The following SH2D4B variants were observed in gnomAD, a reference collection of about 807,000 sequenced individuals.
The protein encoded by SH2D4B is SH2 domain containing 4B, also known as SH2 domain-containing protein 4B.
SH2D4B carries 45 observed loss-of-function variants against 61.5 expected under a neutral mutation model. The observed-to-expected ratio is 0.73, with a 90% CI of 0.58 to 0.94. SH2D4B has a LOEUF of 0.94. Ranked by LOEUF, SH2D4B falls within the 40% of genes least tolerant of loss-of-function variation. The pLI, the probability that SH2D4B is intolerant of heterozygous loss-of-function variation, is 0.00. For synonymous variants in SH2D4B, 224 were observed against 220.4 expected (o/e 1.02, Z -0.14); for missense variants, 572 against 574.2 (o/e 1.00, Z 0.04).
chr10:80,545,355 C>T (rs1841660147), intron 1 of SH2D4B, among the ~76,000 whole-genome samples: 1 of 151,818 alleles, frequency 6.6e-6, no homozygotes, highest in Admixed American at 6.6e-5. Flanking sequence ...TCCTCTTCTT[C>T]CTTTCCTCCT....
At chr10:80,605,658 A>G (rs1035064857) in intron 5 of SH2D4B, among the ~76,000 whole-genome samples, 2 of 152,108 alleles carry the variant, frequency 1.3e-5, no homozygotes, top group Non-Finnish European at 2.9e-5. Context: ...AGCTGGGATT[A>G]TGGGTGCGTG....
At chr10:80,626,010 T>A (rs961529811) in intron 6 of SH2D4B, among the ~76,000 whole-genome samples, 38 of 152,356 alleles carry the variant, frequency 2.5e-4, no homozygotes, top group African/African-American at 7.7e-4. Context: ...TGCTAAGATA[T>A]TGTCTAGTAT....
At chr10:80,587,071 A>G (rs12266971) in intron 3 of SH2D4B, among the ~76,000 whole-genome samples, 12,474 of 145,018 alleles carry the variant, frequency 0.086, 563 homozygotes, top group African/African-American at 0.12. Context: ...ACTCACCTCG[A>G]GGGTCCGCGG....
At chr10:80,568,500 G>A (rs1439999928) in intron 1 of SH2D4B, among the ~76,000 whole-genome samples, 1 of 152,164 alleles carries the variant, frequency 6.6e-6, no homozygotes, top group Non-Finnish European at 1.5e-5. Context: ...AGGAGCTGCG[G>A]GGCTTGGTCA....
chr10:80,596,097 G>T (rs1261417387), intron 4 of SH2D4B, among the ~76,000 whole-genome samples: 1 of 152,164 alleles, frequency 6.6e-6, no homozygotes, highest in Admixed American at 6.5e-5. Context: ...CTTCCTTTCA[G>T]AGTTAAAATT....
At chr10:80,597,598 G>A (rs112234136) in intron 4 of SH2D4B, among the ~76,000 whole-genome samples, 17,512 of 152,204 alleles carry the variant, frequency 0.12, 1,189 homozygotes, top group East Asian at 0.25. Context: ...CCCGGGAGGT[G>A]GAGGTTGCAG....
chr10:80,617,460 CAG>C (rs1472925976), intron 6 of SH2D4B, among the ~76,000 whole-genome samples: 1 of 152,178 alleles, frequency 6.6e-6, no homozygotes, highest in Non-Finnish European at 1.5e-5. Context: ...GTTACCTAGA[CAG>C]GGGCAAGAGA....
chr10:80,634,577 G>A, intron 7 of SH2D4B, 72 bp downstream of exon 7: 1 of 1,517,774 alleles, frequency 6.6e-7, no homozygotes, highest in Non-Finnish European at 8.8e-7. Context: ...GAGAGCTAGA[G>A]CAAGAGAAGC....
intron 3 of SH2D4B, among the ~76,000 whole-genome samples, chr10:80,580,672 G>T (rs969220983): frequency 2.6e-5 from 4 of 152,150 alleles, no homozygotes; most frequent in Non-Finnish European, 5.9e-5. Context: ...CATTGCTTAG[G>T]GGGCCTAGGA....
chr10:80,540,406 G>T (rs1362253525), intron 1 of SH2D4B, among the ~76,000 whole-genome samples: 2 of 152,166 alleles, frequency 1.3e-5, no homozygotes, highest in African/African-American at 2.4e-5. Flanking sequence ...GTGATGAAGG[G>T]TGGCAACAAC....
chr10:80,623,885 A>G (rs1332446191), intron 6 of SH2D4B, among the ~76,000 whole-genome samples: 1 of 152,196 alleles, frequency 6.6e-6, no homozygotes, highest in Non-Finnish European at 1.5e-5. Context: ...AAGTCATGGA[A>G]ACCCAGATTG....
chr10:80,610,813 C>T (rs114269478), intron 6 of SH2D4B, among the ~76,000 whole-genome samples: 5,028 of 152,206 alleles, frequency 0.033, 251 homozygotes, highest in African/African-American at 0.11. Context: ...ATGTTACGTG[C>T]CCTTTGGGAG....
chr10:80,603,540 C>T (rs896373287), intron 4 of SH2D4B, 39 bp from the exon 5 acceptor site: 2 of 1,484,144 alleles, frequency 1.3e-6, no homozygotes, highest in Admixed American at 4.3e-5. Flanking sequence ...ACCGCCTGGG[C>T]TGCGGATCTG....
chr10:80,561,143 T>C (rs1841897860), intron 1 of SH2D4B, among the ~76,000 whole-genome samples: 1 of 152,246 alleles, frequency 6.6e-6, no homozygotes, highest in Non-Finnish European at 1.5e-5. Flanking sequence ...AACACCATTT[T>C]TACTTGAAGA....
intron 6 of SH2D4B, among the ~76,000 whole-genome samples, chr10:80,632,052 C>T (rs1298545621): frequency 2.6e-5 from 4 of 152,092 alleles, no homozygotes; most frequent in Non-Finnish European, 1.5e-5. Flanking sequence ...ATCCTCTTGC[C>T]TCGGCCTCCC....
At chr10:80,565,176 T>C (rs1467827860) in intron 1 of SH2D4B, among the ~76,000 whole-genome samples, 1 of 152,216 alleles carries the variant, frequency 6.6e-6, no homozygotes, top group Non-Finnish European at 1.5e-5. Context: ...CTTGTATACC[T>C]ATTAAGTTAG....
rs554835969 is a variant in SH2D4B at position 80,596,727 on chromosome 10, T to C, written c.644-6852T>C. Among the ~76,000 whole-genome samples the C allele has an allele frequency of 8.5e-5, 13 of 152,298 alleles. No homozygotes were observed. The East Asian group carries it at 2.1e-3, about 25-fold the overall frequency. On this transcript the variant is annotated intron_variant, in intron 4 of 7. Transcript: ENST00000646907. ...ACATTACAGTCTATAACAAGTTTGT[T>C]TGAAATAACAGAATAAAGGCAGATG...
At chr10:80,641,686 G>A (rs940973083) in intron 7 of SH2D4B, among the ~76,000 whole-genome samples, 2 of 152,238 alleles carry the variant, frequency 1.3e-5, no homozygotes, top group Admixed American at 1.3e-4. Flanking sequence ...TGAGCTCCTT[G>A]TCCCTGGAAG....
intron 2 of SH2D4B, 25 bp downstream of exon 2, chr10:80,570,341 G>A (rs762665615): frequency 1.2e-6 from 2 of 1,610,750 alleles, no homozygotes; most frequent in Non-Finnish European, 8.5e-7. Context: ...GGGGTGTTGG[G>A]TGGGGCCTAG....
Sources: allele counts gnomAD v4.1 joint callset (sites outside exome capture counted in the v4.1 genomes callset), GRCh38; gene constraint gnomAD v4.1.1; transcripts MANE v1.5; gene names NCBI Gene and HGNC (gene_info 2026-07-23, HGNC 2026-07-21).